PDCD6IP: variants seen among roughly 807,000 people sequenced by gnomAD.
PDCD6IP encodes programmed cell death 6-interacting protein.
A neutral mutation model predicts 103.7 loss-of-function variants in PDCD6IP; 43 were observed. The observed-to-expected ratio is 0.41, with a 90% confidence interval of 0.32 to 0.53. The LOEUF (loss-of-function observed/expected upper bound fraction) is 0.53. Ranked by LOEUF, PDCD6IP falls within the 20% of genes least tolerant of loss-of-function variation. The probability of loss-of-function intolerance (pLI) is 0.16; values close to 1 mark genes in which losing one functional copy is unlikely to be tolerated. For missense variants in PDCD6IP, 871 were observed against 1,036.7 expected (o/e 0.84, Z 2.20); for synonymous variants, 354 against 378.7 (o/e 0.93, Z 0.76).
At chr3:33,825,007 G>A (rs1697085214) in intron 4 of PDCD6IP, among the ~76,000 whole-genome samples, 180 bp from the exon 5 acceptor site, 1 of 152,136 alleles carries the variant, frequency 6.6e-6, no homozygotes, top group African/African-American at 2.4e-5. Flanking sequence ...ACGCTATAGA[G>A]TTTTAGAAAG....
intron 1 of PDCD6IP, among the ~76,000 whole-genome samples, chr3:33,810,581 A>G (rs1304862538): frequency 6.6e-6 from 1 of 152,218 alleles, no homozygotes; most frequent in Non-Finnish European, 1.5e-5. Context: ...CTTAGCATAT[A>G]CATTTAGGAA....
rs1486422597 is a variant in PDCD6IP at position 33,828,982 on chromosome 3, G to A, written c.834+13G>A. 4 of 1,560,754 alleles carry A rather than the reference G, an allele frequency of 2.6e-6. No individual in the cohort carries two copies. The East Asian group carries it at 6.9e-5, about 27-fold the overall frequency. The stretch of plus-strand genomic sequence containing the variant: ...TGCAAGGTTACAGGTGAGTCTCTTG[G>A]TAATAAATATTTAAGTAACTAACTT... On this transcript the variant is annotated intron_variant, in intron 7 of 17. Coordinates refer to ENST00000307296, the MANE Select transcript of PDCD6IP (RefSeq NM_013374.6).
At position 33,869,660 on chromosome 3, in the gene PDCD6IP, G is replaced by T. The variant is rs895992988; in HGVS notation, c.*3135G>T. On this transcript the variant is annotated 3_prime_UTR_variant, in exon 18 of 18. Transcript: ENST00000307296. ...GGGAACATTGTAAAGAAACAAAAAG[G>T]TCCAGATGAATGTATGCTAGAAATA... The T allele has an allele frequency of 3.3e-5, 5 of 152,074 alleles. No homozygotes were observed. The highest frequency in any genetic ancestry group is 9.7e-5 in the African/African-American group (4 of 41,418). The allele number at this position is 152,074 out of a possible 1,614,324, so 9.4% of individuals were successfully genotyped here. A position where few individuals can be genotyped will look rare whatever the true frequency, so the allele number is the denominator to read the frequency against.
At chr3:33,799,342 T>C (rs186808906) in intron 1 of PDCD6IP, 85 of 169,892 alleles carry the variant, frequency 5.0e-4, no homozygotes, top group Middle Eastern at 5.3e-3. Context: ...TTCATAATAG[T>C]AGTTGCTTGA....
intron 7 of PDCD6IP, among the ~76,000 whole-genome samples, chr3:33,831,318 G>A (rs1478102537): frequency 6.6e-6 from 1 of 151,920 alleles, no homozygotes; most frequent in East Asian, 1.9e-4. Flanking sequence ...CATTAATGAG[G>A]GACCTAGCAA....
Position 33,865,236 on chromosome 3 carries a change from C to T in PDCD6IP, c.2245-7C>T. 1 of 1,514,890 alleles carries T rather than the reference C, an allele frequency of 6.6e-7. No individual in the cohort carries two copies. The highest frequency in any genetic ancestry group is 8.8e-7 in the Non-Finnish European group (1 of 1,141,558). The allele number at this position is 1,514,890 out of a possible 1,614,324, so 93.8% of individuals were successfully genotyped here. A position where few individuals can be genotyped will look rare whatever the true frequency, so the allele number is the denominator to read the frequency against. Reference sequence around the variant, plus strand: ...ATTTTATAGTCAATGCTGACTTTTTCTTATAGCCTACTAAGCCCCAGCCCC... The same window carrying T: ...ATTTTATAGTCAATGCTGACTTTTTTTTATAGCCTACTAAGCCCCAGCCCC... On this transcript the variant is annotated splice_polypyrimidine_tract_variant and splice_region_variant and intron_variant, in intron 16 of 17. Coordinates refer to ENST00000307296, the MANE Select transcript of PDCD6IP (RefSeq NM_013374.6).
At chr3:33,798,987 C>A in intron 1 of PDCD6IP, 50 bp downstream of exon 1, 1 of 1,424,772 alleles carries the variant, frequency 7.0e-7, no homozygotes, top group Non-Finnish European at 9.5e-7. Flanking sequence ...CGTCGCTCGC[C>A]GCTCCTCTTC....
At chr3:33,799,054 T>C (rs955868100) in intron 1 of PDCD6IP, 117 bp downstream of exon 1, 12 of 1,001,252 alleles carry the variant, frequency 1.2e-5, no homozygotes, top group Non-Finnish European at 1.7e-5. Context: ...CGTCCCGGCC[T>C]GACCAGGCGC....
At chr3:33,845,321 A>G (rs1178931597) in intron 11 of PDCD6IP, 98 bp from the exon 12 acceptor site, 9 of 781,962 alleles carry the variant, frequency 1.2e-5, no homozygotes, top group Admixed American at 2.7e-5. Flanking sequence ...GAAGGGGAGG[A>G]TAAGTAAAGT....
At chr3:33,866,118 G>A (rs1484937218) in intron 17 of PDCD6IP, among the ~76,000 whole-genome samples, 1 of 151,656 alleles carries the variant, frequency 6.6e-6, no homozygotes, top group African/African-American at 2.4e-5. Flanking sequence ...ATTTTCTTCA[G>A]TATTTATTTT....
intron 1 of PDCD6IP, among the ~76,000 whole-genome samples, chr3:33,809,864 C>G (rs1430858416): frequency 6.6e-6 from 1 of 152,152 alleles, no homozygotes; most frequent in East Asian, 1.9e-4. Flanking sequence ...AGGCTTGTCT[C>G]ATTTTCTTGT....
chr3:33,802,969 G>C (rs1266735826), intron 1 of PDCD6IP, among the ~76,000 whole-genome samples: 1 of 152,110 alleles, frequency 6.6e-6, no homozygotes, highest in Non-Finnish European at 1.5e-5. Context: ...GCATGATTTG[G>C]CTTCTGCTTT....
chr3:33,821,079 T>C (rs1696980581), intron 3 of PDCD6IP, among the ~76,000 whole-genome samples: 1 of 152,104 alleles, frequency 6.6e-6, no homozygotes, highest in South Asian at 2.1e-4. Flanking sequence ...TGATCATAGC[T>C]CACTGCAGCC....
At chr3:33,816,245 G>A (rs955348028) in intron 3 of PDCD6IP, among the ~76,000 whole-genome samples, 3 of 152,126 alleles carry the variant, frequency 2.0e-5, no homozygotes, top group African/African-American at 7.2e-5. Context: ...GGTGGCTCAC[G>A]CCTGTAATCC....
At chr3:33,831,074 C>T (rs921295998) in intron 7 of PDCD6IP, among the ~76,000 whole-genome samples, 23 of 152,104 alleles carry the variant, frequency 1.5e-4, no homozygotes, top group Non-Finnish European at 3.1e-4. Flanking sequence ...TGGAATCAAT[C>T]ACTTCTGGGG....
chr3:33,862,695 A>G (rs1697979664), intron 15 of PDCD6IP, among the ~76,000 whole-genome samples: 1 of 152,206 alleles, frequency 6.6e-6, no homozygotes, highest in Admixed American at 6.5e-5. Flanking sequence ...AGAAATTTGC[A>G]TAATGGTTTG....
Position 33,798,833 on chromosome 3 carries a change from G to A in PDCD6IP, c.105G>A (p.Glu35=). The A allele has an allele frequency of 6.4e-7, 1 of 1,559,240 alleles. No individual in the cohort carries two copies. The highest frequency in any genetic ancestry group is 8.7e-7 in the Non-Finnish European group (1 of 1,151,754). ...AGACTTACCCAAGCGGCGGGGAAGA[G>A]CAGGCCCAGTACTGCCGCGCGGCGG... is the stretch of plus-strand genomic sequence containing the variant. ...IQQTYPSGGE[E]QAQYCRAAEE... The change falls in exon 1 of 18, where the codon GAG becomes GAA. Residue 35 remains glutamate, a synonymous_variant. Transcript: ENST00000307296.
intron 1 of PDCD6IP, among the ~76,000 whole-genome samples, chr3:33,805,044 ACCTT>A (rs1696561369): frequency 1.3e-5 from 2 of 152,088 alleles, no homozygotes; most frequent in Admixed American, 1.3e-4. Flanking sequence ...TGATCCCCAC[ACCTT>A]CCCCTTAAAT....
intron 10 of PDCD6IP, among the ~76,000 whole-genome samples, chr3:33,842,491 A>G (rs1216446577): frequency 6.6e-6 from 1 of 151,396 alleles, no homozygotes; most frequent in Non-Finnish European, 1.5e-5. Context: ...TATATTAAAT[A>G]TATTTGTTTT....
Sources: allele counts gnomAD v4.1 joint callset (sites outside exome capture counted in the v4.1 genomes callset), GRCh38; gene constraint gnomAD v4.1.1; transcripts MANE v1.5; gene names NCBI Gene and HGNC (gene_info 2026-07-23, HGNC 2026-07-21).